The following RAB30 variants were observed in gnomAD, a reference collection of about 807,000 sequenced individuals.
RAB30 encodes ras-related protein Rab-30.
Under a neutral mutation model 25.1 loss-of-function variants are expected in RAB30, and 9 were observed. That is an observed-to-expected ratio of 0.36 (90% CI 0.22 to 0.63). RAB30 has a LOEUF of 0.63. RAB30 is among the 20% of genes least tolerant of loss of function. The pLI, the probability that RAB30 is intolerant of heterozygous loss-of-function variation, is 0.69. For missense variants in RAB30, 140 were observed against 243.5 expected (o/e 0.58, Z 2.83); for synonymous variants, 77 against 86.4 (o/e 0.89, Z 0.60).
At chr11:83,038,336 T>C (rs1858031532) in intron 1 of RAB30, among the ~76,000 whole-genome samples, 1 of 152,194 alleles carries the variant, frequency 6.6e-6, no homozygotes, top group African/African-American at 2.4e-5. Context: ...AAAGGCTTTT[T>C]GGTGTAGGTG....
In RAB30 at chr11:82,977,313, T is replaced by C. The variant is rs939053701; in HGVS notation, c.*4852A>G. On this transcript the variant is annotated 3_prime_UTR_variant, in exon 5 of 5. Coordinates refer to ENST00000527633, the MANE Select transcript of RAB30 (RefSeq NM_001286060.2). ...TGCAACCAACCTCTTCCCTGAAAGA[T>C]AAAGGTGGGATGCACTTGTGGCAGA... The C allele has an allele frequency of 5.3e-5, 8 of 152,152 alleles. No homozygotes were observed. The highest frequency in any genetic ancestry group is 2.0e-4 in the Admixed American group (3 of 15,272). 9.4% of individuals were successfully genotyped at this position (152,152 alleles called of 1,614,324 possible).
chr11:83,050,753 A>AC (rs1273199171), intron 1 of RAB30, among the ~76,000 whole-genome samples: 11 of 151,068 alleles, frequency 7.3e-5, no homozygotes, highest in African/African-American at 2.7e-4. Flanking sequence ...ATAGTGTATT[A>AC]GGAACCTCAT....
intron 1 of RAB30, among the ~76,000 whole-genome samples, chr11:83,013,880 C>A (rs1590852833): frequency 6.6e-6 from 1 of 152,218 alleles, no homozygotes; most frequent in South Asian, 2.1e-4. Context: ...CAGACCTATC[C>A]ACTTTACCTG....
intron 1 of RAB30, among the ~76,000 whole-genome samples, chr11:83,032,692 G>A (rs1432941081): frequency 1.3e-5 from 2 of 152,078 alleles, no homozygotes; most frequent in East Asian, 3.9e-4. Flanking sequence ...CATATGCATT[G>A]TATGTTTCGC....
At chr11:83,042,623 T>C (rs1038130164) in intron 1 of RAB30, among the ~76,000 whole-genome samples, 2 of 152,188 alleles carry the variant, frequency 1.3e-5, no homozygotes, top group African/African-American at 4.8e-5. Context: ...CTACAAAATC[T>C]GGCAGCCCCC....
In RAB30 at chr11:82,982,386, C is replaced by G. The variant is rs777449780; in HGVS notation, c.391G>C (p.Glu131Gln). ...GNKIDLAERR[E>Q]VSQQRAEEFS... ...TCTTCAGCTCGCTGCTGGGAAACCTCTCTCCTTTCAGCCAGGTCAATCTTG... is the reference window on the plus strand; with the variant it reads ...TCTTCAGCTCGCTGCTGGGAAACCTGTCTCCTTTCAGCCAGGTCAATCTTG... Residue 131 changes from glutamate (E) to glutamine (Q), a missense_variant, in exon 5 of 5, where the codon GAG becomes CAG. Glu to Gln is a conservative substitution (Grantham distance 29). Transcript: ENST00000527633. 1 of 1,613,976 alleles carries G rather than the reference C, an allele frequency of 6.2e-7. No homozygotes were observed. The highest frequency in any genetic ancestry group is 2.2e-5 in the East Asian group (1 of 44,890).
At chr11:83,005,790 A>G (rs1035312140) in intron 1 of RAB30, among the ~76,000 whole-genome samples, 15 of 152,126 alleles carry the variant, frequency 9.9e-5, no homozygotes, top group Non-Finnish European at 1.5e-4. Flanking sequence ...AATAAAAATG[A>G]AGAACTGACT....
chr11:83,001,829 A>G (rs965686432), intron 1 of RAB30, among the ~76,000 whole-genome samples: 2 of 152,164 alleles, frequency 1.3e-5, no homozygotes, highest in African/African-American at 4.8e-5. Flanking sequence ...ACGCCACAAG[A>G]TATGCTACTA....
At chr11:83,056,094 T>A (rs1858453621) in intron 1 of RAB30, among the ~76,000 whole-genome samples, 1 of 152,218 alleles carries the variant, frequency 6.6e-6, no homozygotes, top group South Asian at 2.1e-4. Flanking sequence ...TAACATGAAG[T>A]ATATTCACAT....
At chr11:82,984,942 A>C (rs974890544) in intron 4 of RAB30, among the ~76,000 whole-genome samples, 1 of 152,206 alleles carries the variant, frequency 6.6e-6, no homozygotes, top group African/African-American at 2.4e-5. Context: ...AGCATCAATA[A>C]TAATAATTGC....
intron 1 of RAB30, among the ~76,000 whole-genome samples, chr11:83,031,727 A>G (rs907749996): frequency 1.3e-5 from 2 of 152,054 alleles, no homozygotes; most frequent in African/African-American, 2.4e-5. Context: ...GGGTTTCTCC[A>G]TGTTGGTCAG....
At chr11:83,034,113 C>T (rs910991900) in intron 1 of RAB30, 4 of 152,182 alleles carry the variant, frequency 2.6e-5, no homozygotes, top group South Asian at 4.1e-4. Context: ...CAGTTATAAA[C>T]GGAGGCCACT....
At chr11:83,070,232 T>C (rs1858802951) in intron 1 of RAB30, among the ~76,000 whole-genome samples, 1 of 152,200 alleles carries the variant, frequency 6.6e-6, no homozygotes, top group Non-Finnish European at 1.5e-5. Flanking sequence ...AAAGGCTAAC[T>C]GTTGATCTTT....
At chr11:83,013,369 G>A (rs1431067104) in intron 1 of RAB30, among the ~76,000 whole-genome samples, 1 of 152,154 alleles carries the variant, frequency 6.6e-6, no homozygotes, top group Non-Finnish European at 1.5e-5. Flanking sequence ...ACAGGCATAA[G>A]CCACTGCGCC....
intron 1 of RAB30, chr11:83,034,696 G>A (rs1311068699): frequency 6.6e-6 from 1 of 152,186 alleles, no homozygotes; most frequent in South Asian, 2.1e-4. Context: ...CAGAACCAAG[G>A]TGGGAGGAAA....
intron 1 of RAB30, 55 bp from the exon 2 acceptor site, chr11:82,997,379 A>C (rs1245193891): frequency 3.6e-5 from 45 of 1,249,288 alleles, no homozygotes; most frequent in Non-Finnish European, 4.9e-5. Flanking sequence ...TTGCCCACAG[A>C]GCTCAAGCTG....
rs1195145314 is a variant in RAB30 at position 82,977,943 on chromosome 11, G to C, written c.*4222C>G. ...AAATTACCAGTGTGAAGAATGTAAA[G>C]GAAGGCATCTTTCCTTCCAAACGCA... On this transcript the variant is annotated 3_prime_UTR_variant, in exon 5 of 5. Transcript: ENST00000527633. The C allele has an allele frequency of 6.6e-6, 1 of 152,102 alleles. No homozygotes were observed. The highest frequency in any genetic ancestry group is 2.4e-5 in the African/African-American group (1 of 41,416). The allele number at this position is 152,102 out of a possible 1,614,324, so 9.4% of individuals were successfully genotyped here.
intron 1 of RAB30, among the ~76,000 whole-genome samples, chr11:83,042,816 GA>G (rs1021727970): frequency 3.9e-5 from 6 of 152,076 alleles, no homozygotes; most frequent in Non-Finnish European, 8.8e-5. Flanking sequence ...ATATTGTTAA[GA>G]AAACAGATCT....
rs145575736 is a variant in RAB30 at position 82,992,871 on chromosome 11, C to T, written c.177+1168G>A. On this transcript the variant is annotated intron_variant, in intron 3 of 4. Transcript: ENST00000527633. ...CAAACAATGCTCTCACTCAGCTTCC[C>T]GAGTAGCTGGGACTACAGGCGCATG... is the stretch of plus-strand genomic sequence containing the variant. Among the ~76,000 whole-genome samples, 673 of 152,260 alleles carry T rather than the reference C, an allele frequency of 4.4e-3. 5 individuals carry two copies. Among genetic ancestry groups the T allele is most frequent in the African/African-American group, 0.013 (540 of 41,532 alleles).
Sources: allele counts gnomAD v4.1 joint callset (sites outside exome capture counted in the v4.1 genomes callset), GRCh38; gene constraint gnomAD v4.1.1; transcripts MANE v1.5; gene names NCBI Gene and HGNC (gene_info 2026-07-23, HGNC 2026-07-21).